Variants in TNPO2 observed in about 807,000 individuals in gnomAD.
TNPO2 encodes transportin 2, also known as transportin-2.
A neutral mutation model predicts 111.1 loss-of-function variants in TNPO2; 16 were observed. The ratio of observed to expected loss-of-function variants is 0.14; its 90% CI spans 0.10 to 0.22. The LOEUF is 0.22. TNPO2 is among the 10% of genes least tolerant of loss of function. The pLI is 1.00. For missense variants in TNPO2, 530 were observed against 1,173.7 expected, an observed-to-expected ratio of 0.45 and a Z score of 8.01; for synonymous variants, 481 against 475.8, an observed-to-expected ratio of 1.01 and a Z score of -0.14.
Position 12,715,167 on chromosome 19 carries a change from G to A in TNPO2, c.651C>T (p.His217=). The A allele has an allele frequency of 1.2e-6, 2 of 1,611,202 alleles. No individual in the cohort carries two copies. Among genetic ancestry groups the A allele is most frequent in the South Asian group, 2.2e-5 (2 of 90,928 alleles). Residue 217 remains histidine (H), a splice_region_variant and synonymous_variant, in exon 9 of 26, where the codon CAC becomes CAT. Coordinates refer to ENST00000425528, the MANE Select transcript of TNPO2 (RefSeq NM_001382241.1). This position sits in a 1 kb window ranked among gnomAD's most constrained non-coding sequence, Gnocchi z 7.1. The part of the protein sequence containing the change: ...LMDNIDTFIE[H]LFALAVDDDP... Reference sequence around the variant, plus strand: ...CATCATCCACAGCCAGGGCAAATAGGTGCTGCAGGGAGGAACAGGGTCAGT... The same window carrying A: ...CATCATCCACAGCCAGGGCAAATAGATGCTGCAGGGAGGAACAGGGTCAGT...
Position 12,721,695 on chromosome 19 carries a change from G to A in TNPO2, c.-13-705C>T, listed in dbSNP as rs1966963256. On this transcript the variant is annotated intron_variant, in intron 2 of 25. Coordinates refer to ENST00000425528, the MANE Select transcript of TNPO2 (RefSeq NM_001382241.1). This position sits in a 1 kb window ranked among gnomAD's most constrained non-coding sequence, Gnocchi z 4.9. The stretch of plus-strand genomic sequence containing the variant: ...GTAGGTCTCTGCTGCCTCTTCGAAT[G>A]AGAGCCAGCCAAGCCCGGCCAACCC... The A allele has an allele frequency of 4.6e-6, 1 of 217,400 alleles. No individual in the cohort carries two copies. Among genetic ancestry groups the A allele is most frequent in the South Asian group, 5.0e-5 (1 of 20,148 alleles). 13.5% of individuals were successfully genotyped at this position (217,400 alleles called of 1,614,324 possible).
chr19:12,704,066 A>G (rs1599407695), intron 18 of TNPO2, among the ~76,000 whole-genome samples: 3 of 152,304 alleles, frequency 2.0e-5, no homozygotes, highest in African/African-American at 7.2e-5. Flanking sequence ...TCCTTGATAT[A>G]AAGTGGCACA....
intron 10 of TNPO2, among the ~76,000 whole-genome samples, chr19:12,713,123 T>A (rs2026157180): frequency 6.6e-6 from 1 of 152,182 alleles, no homozygotes; most frequent in African/African-American, 2.4e-5. Flanking sequence ...AAAATCTTGG[T>A]ACAGTGCCTG....
intron 10 of TNPO2, among the ~76,000 whole-genome samples, chr19:12,712,607 C>T (rs1568336500): frequency 1.3e-5 from 2 of 152,204 alleles, no homozygotes; most frequent in Admixed American, 6.5e-5. Flanking sequence ...TCTTTGTCTA[C>T]TCTCCCTCTC....
chr19:12,712,639 A>C (rs914241595), intron 10 of TNPO2, among the ~76,000 whole-genome samples: 12 of 152,162 alleles, frequency 7.9e-5, no homozygotes, highest in African/African-American at 2.9e-4. Flanking sequence ...CCAGGCAGGG[A>C]AGGGCCCCCT....
chr19:12,713,741 C>T (rs1298782613), intron 10 of TNPO2, among the ~76,000 whole-genome samples: 1 of 151,898 alleles, frequency 6.6e-6, no homozygotes, highest in Non-Finnish European at 1.5e-5. Context: ...TAATAATGAT[C>T]TGGGGGCTGG....
At position 12,706,816 on chromosome 19, in the gene TNPO2, G is replaced by C; in HGVS notation, c.1271-21C>G. Reference sequence around the variant, plus strand: ...GCAGCCTACAAGGAAAGGGAACCAAGAGGGGGCAGTTTGATTGGGCCCAGC... The same window carrying C: ...GCAGCCTACAAGGAAAGGGAACCAACAGGGGGCAGTTTGATTGGGCCCAGC... On this transcript the variant is annotated intron_variant, in intron 13 of 25. Transcript: ENST00000425528. The surrounding 1 kb of genome is among the most constrained non-coding windows in gnomAD (Gnocchi z 7.0). 2 of 1,579,514 alleles carry C rather than the reference G, an allele frequency of 1.3e-6. No individual in the cohort carries two copies. The highest frequency in any genetic ancestry group is 2.3e-5 in the East Asian group (1 of 42,784).
chr19:12,702,742 T>C lies in TNPO2; in HGVS notation c.2305+81A>G. ...CCTCCTTGGTTCCTTGACAAGGCTCTTTCTGATGCCCTTCCCAGCCCAGAA... is the reference window on the plus strand; with the variant it reads ...CCTCCTTGGTTCCTTGACAAGGCTCCTTCTGATGCCCTTCCCAGCCCAGAA... On this transcript the variant is annotated intron_variant, in intron 21 of 25. Coordinates refer to ENST00000425528, the MANE Select transcript of TNPO2 (RefSeq NM_001382241.1). The surrounding 1 kb of genome is among the most constrained non-coding windows in gnomAD (Gnocchi z 5.5). The C allele has an allele frequency of 7.5e-7, 1 of 1,331,642 alleles. No individual in the cohort carries two copies. The highest frequency in any genetic ancestry group is 1.1e-6 in the Non-Finnish European group (1 of 933,234). The allele number at this position is 1,331,642 out of a possible 1,614,324, so 82.5% of individuals were successfully genotyped here. A position where few individuals can be genotyped will look rare whatever the true frequency, so the allele number is the denominator to read the frequency against.
Position 12,705,728 on chromosome 19 carries a change from C to A in TNPO2, c.1709G>T (p.Trp570Leu). Residue 570 changes from tryptophan (W) to leucine (L), a missense_variant, in exon 16 of 26, where the codon TGG becomes TTG. Coordinates refer to ENST00000425528, the MANE Select transcript of TNPO2 (RefSeq NM_001382241.1). The surrounding 1 kb of genome is among the most constrained non-coding windows in gnomAD (Gnocchi z 7.2). ...CTTGTCTTCGTCCTTGAGCTCATTC[C>A]ACTTCTGGATCAGTGGGGGCATCAG... ...QKLMPPLIQK[W>L]NELKDEDKDL... 6.7e-7 allele frequency: 1 copy of A among 1,483,678 alleles called. No homozygotes were observed. Among genetic ancestry groups the A allele is most frequent in the Non-Finnish European group, 9.0e-7 (1 of 1,112,422 alleles). The allele number at this position is 1,483,678 out of a possible 1,614,324, so 91.9% of individuals were successfully genotyped here.
In TNPO2 at chr19:12,711,349, G is replaced by T; in HGVS notation, c.1064C>A (p.Ser355Tyr). ...LPHEAERPDG[S>Y]EDAEDDDDDD... ...ATCATCGTCATCCTCCGCGTCCTCGGAGCCATCAGGCCGCTCAGCCTCGTG... is the reference window on the plus strand; with the variant it reads ...ATCATCGTCATCCTCCGCGTCCTCGTAGCCATCAGGCCGCTCAGCCTCGTG... Residue 355 changes from serine (S) to tyrosine (Y), a missense_variant, in exon 12 of 26, where the codon TCC becomes TAC. This residue lies in a region of TNPO2 where 88 missense variants were observed against 130.2 expected (regional missense o/e 0.68). Transcript: ENST00000425528. The T allele has an allele frequency of 6.8e-6, 11 of 1,613,986 alleles. No homozygotes were observed. The highest frequency in any genetic ancestry group is 9.3e-6 in the Non-Finnish European group (11 of 1,179,900).
At position 12,715,655 on chromosome 19, in the gene TNPO2, G is replaced by A; in HGVS notation, c.410C>T (p.Ser137Leu). 4 of 1,613,734 alleles carry A rather than the reference G, an allele frequency of 2.5e-6. No individual in the cohort carries two copies. The highest frequency in any genetic ancestry group is 3.4e-6 in the Non-Finnish European group (4 of 1,179,820). The change falls in exon 6 of 26, where the codon TCG becomes TTG. Residue 137 changes from serine to leucine, a missense_variant. Transcript: ENST00000425528. The surrounding 1 kb of genome is among the most constrained non-coding windows in gnomAD (Gnocchi z 7.1). ...TACCTCACAAGTGTTGTAATCCTCC[G>A]AGTTAAGCAGGTTGCAGAGCTGGGG... ...LLPQLCNLLNSEDYNTCEGAF... is the reference protein window; with the variant it reads ...LLPQLCNLLNLEDYNTCEGAF...
Position 12,715,756 on chromosome 19 carries a change from A to G in TNPO2, c.326-17T>C, listed in dbSNP as rs1399843120. The G allele has an allele frequency of 2.1e-5, 34 of 1,592,880 alleles. No homozygotes were observed. Among genetic ancestry groups the G allele is most frequent in the Non-Finnish European group, 2.8e-5 (33 of 1,170,614 alleles). On this transcript the variant is annotated splice_polypyrimidine_tract_variant and intron_variant, in intron 5 of 25. Coordinates refer to ENST00000425528, the MANE Select transcript of TNPO2 (RefSeq NM_001382241.1). The surrounding 1 kb of genome is among the most constrained non-coding windows in gnomAD (Gnocchi z 7.1). ...TGAGAATGCCTGGGGCGGCCGGGAA[A>G]GGACGCTGCCTGAGGCTGGGCAGGG...
intron 10 of TNPO2, among the ~76,000 whole-genome samples, chr19:12,713,135 T>A (rs1320647573): frequency 6.6e-6 from 1 of 152,122 alleles, no homozygotes; most frequent in African/African-American, 2.4e-5. Context: ...CAGTGCCTGG[T>A]CCCTAGCACA....
In TNPO2 at chr19:12,717,175, C is replaced by T. The variant is rs539572940; in HGVS notation, c.326-1436G>A. ...GGATTGTGGAACTTTAGCCACACCC[C>T]CTCATTCTGTGTGCCTCAGTGCTTC... On this transcript the variant is annotated intron_variant, in intron 5 of 25. Transcript: ENST00000425528. 1.4e-4 allele frequency among the ~76,000 whole-genome samples: 20 copies of T among 146,010 alleles called. 1 individual carries two copies. The highest frequency in any genetic ancestry group is 5.3e-4 in the African/African-American group (19 of 35,568).
chr19:12,711,151 T>C (rs1402173211), intron 12 of TNPO2, 145 bp downstream of exon 12: 4 of 1,083,768 alleles, frequency 3.7e-6, no homozygotes, highest in African/African-American at 1.6e-5. Context: ...GCCTCAGCCT[T>C]CCAAAGTGCT....
In TNPO2 at chr19:12,699,276, G is replaced by A. The variant is rs1369946672; in HGVS notation, c.*1988C>T. On this transcript the variant is annotated 3_prime_UTR_variant, in exon 26 of 26. Coordinates refer to ENST00000425528, the MANE Select transcript of TNPO2 (RefSeq NM_001382241.1). Reference sequence around the variant, plus strand: ...CACGCCACCTCGGCGCCAATCCCCAGCACAGCACAGTAACAAATGGACAGA... The same window carrying A: ...CACGCCACCTCGGCGCCAATCCCCAACACAGCACAGTAACAAATGGACAGA... 2.2e-6 allele frequency: 1 copy of A among 446,356 alleles called. No homozygotes were observed. The highest frequency in any genetic ancestry group is 7.5e-5 in the East Asian group (1 of 13,254). 27.6% of individuals were successfully genotyped at this position (446,356 alleles called of 1,614,324 possible).
rs1350733888 is a variant in TNPO2, at chr19:12,701,169, CT to C, written c.*94del. On this transcript the variant is annotated 3_prime_UTR_variant, in exon 26 of 26. Coordinates refer to ENST00000425528, the MANE Select transcript of TNPO2 (RefSeq NM_001382241.1). This position sits in a 1 kb window ranked among gnomAD's most constrained non-coding sequence, Gnocchi z 5.0. ...TCCCACTCACTCCTCCCTAACCCCC[CT>C]CAACCAGGGCACAGCGACTTCCGGA... 5.2e-6 allele frequency: 3 copies of C among 579,560 alleles called. No individual in the cohort carries two copies. Among genetic ancestry groups the C allele is most frequent in the African/African-American group, 3.7e-5 (2 of 53,432 alleles). 35.9% of individuals were successfully genotyped at this position (579,560 alleles called of 1,614,324 possible). A position where few individuals can be genotyped will look rare whatever the true frequency, so the allele number is the denominator to read the frequency against.
chr19:12,706,022 T>C lies in TNPO2; in HGVS notation c.1668+174A>G. 1.5e-6 allele frequency: 1 copy of C among 664,776 alleles called. No individual in the cohort carries two copies. Among genetic ancestry groups the C allele is most frequent in the Admixed American group, 3.2e-5 (1 of 31,136 alleles). The allele number at this position is 664,776 out of a possible 1,614,324, so 41.2% of individuals were successfully genotyped here. ...GCACAGCACTTACCACGCTGTCTCA[T>C]AACTGTCTTTCTCCCCCACTAGACT... On this transcript the variant is annotated intron_variant, in intron 15 of 25. Coordinates refer to ENST00000425528, the MANE Select transcript of TNPO2 (RefSeq NM_001382241.1). The surrounding 1 kb of genome is among the most constrained non-coding windows in gnomAD (Gnocchi z 7.0).
chr19:12,703,629 T>C, intron 19 of TNPO2, 85 bp downstream of exon 19: 3 of 1,571,204 alleles, frequency 1.9e-6, no homozygotes, highest in Admixed American at 1.7e-5. Flanking sequence ...CATCCCAATG[T>C]GGTCACAGTC....
Sources: allele counts gnomAD v4.1 joint callset (sites outside exome capture counted in the v4.1 genomes callset), GRCh38; gene constraint gnomAD v4.1.1; regional missense constraint gnomAD v4.1.1; non-coding constraint Gnocchi (gnomAD v3.1); transcripts MANE v1.5; gene names NCBI Gene and HGNC (gene_info 2026-07-23, HGNC 2026-07-21).